Variants in KCNN2 observed in about 807,000 individuals in gnomAD.
The protein encoded by KCNN2 is potassium calcium-activated channel subfamily N member 2.
KCNN2 carries 24 observed loss-of-function variants against 55.5 expected under a neutral mutation model. The ratio of observed to expected loss-of-function variants is 0.43; its 90% CI spans 0.31 to 0.61. The LOEUF (loss-of-function observed/expected upper bound fraction) is 0.61, where lower values mean the gene tolerates loss of function less well. Ranked by LOEUF, KCNN2 falls within the 20% of genes least tolerant of loss-of-function variation. KCNN2 has a pLI of 0.08. For missense variants in KCNN2, 754 were observed against 853.6 expected (o/e 0.88, Z 1.45); for synonymous variants, 431 against 336.1 (o/e 1.28, Z -3.09).
rs558658259 is a variant in KCNN2, at chr5:114,255,231, CA to C, written c.-185+33670del. On this transcript the variant is annotated intron_variant, in intron 2 of 10. Coordinates refer to the KCNN2 transcript ENST00000512097. ...CCCGAGACAGAGAGACATATGTGAA[CA>C]AAATCTTACACGTGCATTGTAGTGT... 1.2e-4 allele frequency among the ~76,000 whole-genome samples: 19 copies of C among 152,130 alleles called. No homozygotes were observed. The East Asian group carries it at 3.7e-3, about 29-fold the overall frequency.
At position 114,119,146 on chromosome 5, in the gene KCNN2, T is replaced by G. The variant is rs188782953; in HGVS notation, c.-271+62646T>G. Among the ~76,000 whole-genome samples, 1,457 of 152,302 alleles carry G rather than the reference T, an allele frequency of 9.6e-3. 9 individuals are homozygous for G. The highest frequency in any genetic ancestry group is 0.015 in the Non-Finnish European group (1,040 of 68,024). ...TCAGTTTATTCCTTTCTAAGTTTGG[T>G]TAGAGGTGTTTCCAGATTTAGTCAA... On this transcript the variant is annotated intron_variant, in intron 1 of 10. Coordinates refer to the KCNN2 transcript ENST00000512097.
intron 2 of KCNN2, among the ~76,000 whole-genome samples, chr5:114,320,409 C>T (rs904989174): frequency 4.6e-5 from 7 of 152,014 alleles, no homozygotes; most frequent in African/African-American, 1.7e-4. Context: ...GTCAGGAGAT[C>T]AAGACCATCC....
rs1193983380 is a variant in KCNN2 at position 114,304,645 on chromosome 5, G to C, written c.-184-56300G>C. ...GGGTCTGTGCTGCAATTCTCTTCTG[G>C]GGCTGAGACTCCACATAGCATCCTT... On this transcript the variant is annotated intron_variant, in intron 2 of 10. Transcript: ENST00000512097. 2.6e-5 allele frequency among the ~76,000 whole-genome samples: 4 copies of C among 152,136 alleles called. No individual in the cohort carries two copies. The South Asian group carries it at 8.3e-4, about 32-fold the overall frequency.
At position 114,142,293 on chromosome 5, in the gene KCNN2, T is replaced by G. The variant is rs565070698; in HGVS notation, c.-270-79187T>G. On this transcript the variant is annotated intron_variant, in intron 1 of 10. Transcript: ENST00000512097. ...TAACGTTTAAGTCTTTAATCCATCT[T>G]GAATTAATTTTTGTATAAGGTGTAA... 2.6e-5 allele frequency among the ~76,000 whole-genome samples: 4 copies of G among 152,318 alleles called. No individual in the cohort carries two copies. The South Asian group carries it at 8.3e-4, about 32-fold the overall frequency.
intron 2 of KCNN2, among the ~76,000 whole-genome samples, chr5:114,378,094 CTTAG>C (rs1208387781): frequency 6.6e-6 from 1 of 152,144 alleles, no homozygotes; most frequent in Non-Finnish European, 1.5e-5. Flanking sequence ...CAAATATTTG[CTTAG>C]TTAGAACAGG....
intron 3 of KCNN2, among the ~76,000 whole-genome samples, chr5:114,445,121 A>T (rs146824352): frequency 6.6e-6 from 1 of 152,190 alleles, no homozygotes; most frequent in Non-Finnish European, 1.5e-5. Flanking sequence ...TATACATGCA[A>T]TGTGGGGTGC....
chr5:114,374,611 G>C lies in KCNN2; in HGVS notation c.1218+10610G>C, dbSNP rs180934741. 5.3e-5 allele frequency among the ~76,000 whole-genome samples: 8 copies of C among 152,138 alleles called. No homozygotes were observed. In the East Asian group the frequency reaches 1.5e-3, roughly 29 times the overall value. ...AGTGATTGTTTTGCTTTTTTATCAGGGAGCTTGTATCTTTTCTGTTTTATT... is the reference window on the plus strand; with the variant it reads ...AGTGATTGTTTTGCTTTTTTATCAGCGAGCTTGTATCTTTTCTGTTTTATT... On this transcript the variant is annotated intron_variant, in intron 2 of 7. Coordinates refer to ENST00000673685, the MANE Select transcript of KCNN2 (RefSeq NM_021614.4).
intron 2 of KCNN2, among the ~76,000 whole-genome samples, chr5:114,299,712 C>G (rs1756112598): frequency 6.6e-6 from 1 of 152,204 alleles, no homozygotes; most frequent in Non-Finnish European, 1.5e-5. Flanking sequence ...TGCCTCCAGC[C>G]ATGTGGTCCT....
intron 2 of KCNN2, among the ~76,000 whole-genome samples, chr5:114,324,967 T>G (rs2150030938): frequency 6.6e-6 from 1 of 152,218 alleles, no homozygotes; most frequent in South Asian, 2.1e-4. Context: ...TTAGTAAAAA[T>G]ATGGATGTTA....
chr5:114,195,635 G>A (rs1377654251), intron 1 of KCNN2, among the ~76,000 whole-genome samples: 1 of 151,884 alleles, frequency 6.6e-6, no homozygotes, highest in Non-Finnish European at 1.5e-5. Flanking sequence ...AAGAGAGATA[G>A]TTTTACTTTT....
At chr5:114,267,928 A>G (rs1452830785) in intron 2 of KCNN2, among the ~76,000 whole-genome samples, 1 of 152,164 alleles carries the variant, frequency 6.6e-6, no homozygotes, top group Non-Finnish European at 1.5e-5. Context: ...CTCTCCCCTC[A>G]GATGCTTTTA....
At chr5:114,057,165 G>C (rs1203064989) in intron 1 of KCNN2, 4 of 152,194 alleles carry the variant, frequency 2.6e-5, no homozygotes, top group African/African-American at 7.2e-5. Flanking sequence ...AAACTCACTA[G>C]GTTCAGGTTG....
At chr5:114,163,817 T>G (rs919647954) in intron 1 of KCNN2, among the ~76,000 whole-genome samples, 4 of 152,230 alleles carry the variant, frequency 2.6e-5, no homozygotes, top group African/African-American at 9.6e-5. Context: ...TACAAAATAC[T>G]TAACATACAT....
intron 4 of KCNN2, 40 bp downstream of exon 4, chr5:114,463,230 C>T: frequency 2.6e-6 from 4 of 1,562,722 alleles, no homozygotes; most frequent in Admixed American, 1.8e-5. Context: ...TATTTACGCT[C>T]AAGAAGGCAC....
At chr5:114,252,598 TTTAG>T (rs1754889054) in intron 2 of KCNN2, among the ~76,000 whole-genome samples, 1 of 151,998 alleles carries the variant, frequency 6.6e-6, no homozygotes, top group African/African-American at 2.4e-5. Flanking sequence ...TTCTTTTCTA[TTTAG>T]TTAGGAGAGC....
chr5:114,290,686 G>T (rs1755868191), intron 2 of KCNN2, among the ~76,000 whole-genome samples: 2 of 151,984 alleles, frequency 1.3e-5, no homozygotes. Flanking sequence ...GATTTGTGAT[G>T]TTGAACCAGC....
Position 114,117,644 on chromosome 5 carries a change from C to T in KCNN2, c.-271+61144C>T, listed in dbSNP as rs113393792. ...AGGCCTGGGGGAAATAAGATTTGAC[C>T]TATTTAGAAAGGAGTAGAAGCATTG... On this transcript the variant is annotated intron_variant, in intron 1 of 10. Transcript: ENST00000512097. Among the ~76,000 whole-genome samples, 1,373 of 152,218 alleles carry T rather than the reference C, an allele frequency of 9.0e-3. 28 individuals carry two copies. The highest frequency in any genetic ancestry group is 0.032 in the African/African-American group (1,312 of 41,522).
chr5:114,467,486 C>G (rs1390734622), intron 4 of KCNN2, among the ~76,000 whole-genome samples: 4 of 152,068 alleles, frequency 2.6e-5, no homozygotes, highest in African/African-American at 4.8e-5. Context: ...GTATTGCTTG[C>G]TTTTTGGTTC....
intron 1 of KCNN2, among the ~76,000 whole-genome samples, chr5:114,219,711 A>G (rs1754092592): frequency 1.3e-5 from 2 of 152,076 alleles, no homozygotes; most frequent in South Asian, 4.1e-4. Context: ...CTGTGGTTGC[A>G]GGTTTTTTGG....
Sources: gnomAD v4.1 joint callset for allele counts (sites outside exome capture counted in the v4.1 genomes callset) on GRCh38, gnomAD v4.1.1 for gene constraint, MANE v1.5 for transcripts, NCBI Gene and HGNC (gene_info 2026-07-23, HGNC 2026-07-21) for gene names.